The following CCHCR1 variants were observed in gnomAD, a reference collection of about 807,000 sequenced individuals.
CCHCR1 encodes the protein HCR (a-helix coiled-coil rod homologue).
Under a neutral mutation model 114.6 loss-of-function variants are expected in CCHCR1, and 91 were observed. The ratio of observed to expected loss-of-function variants is 0.79; its 90% CI spans 0.67 to 0.94. CCHCR1 has a LOEUF of 0.94. CCHCR1 is among the 40% of genes least tolerant of loss of function. The pLI, the probability that CCHCR1 is intolerant of heterozygous loss-of-function variation, is 0.00. For synonymous variants in CCHCR1, 379 were observed against 428.5 expected (o/e 0.88, Z 1.43); for missense variants, 899 against 1,079.9 (o/e 0.83, Z 2.35).
At chr6:31,157,115 C>A (rs975748448) in intron 1 of CCHCR1, 26 bp from the exon 2 acceptor site, 1 of 1,581,456 alleles carries the variant, frequency 6.3e-7, no homozygotes, top group Non-Finnish European at 8.7e-7. Context: ...AACAAAGACA[C>A]TCCAATTCAA....
chr6:31,148,521 A>G lies in CCHCR1; in HGVS notation c.1474-10T>C. The G allele has an allele frequency of 6.2e-7, 1 of 1,607,386 alleles. No individual in the cohort carries two copies. Among genetic ancestry groups the G allele is most frequent in the South Asian group, 1.1e-5 (1 of 90,868 alleles). ...GCTCCAACTGCAGGCCCTGGGGAGG[A>G]TGCAGCAAAGGACAGGGTCCCTCCC... On this transcript the variant is annotated splice_polypyrimidine_tract_variant and intron_variant, in intron 9 of 17. Coordinates refer to ENST00000396268, the MANE Select transcript of CCHCR1 (RefSeq NM_001105564.2).
rs763045658 is a variant in CCHCR1 at position 31,154,477 on chromosome 6, T to C, written c.801+19A>G. ...AGCTCTCCGTTATGAATTTGAATCC[T>C]TTCTACCCCTGCATTCACCTGCTCT... is the stretch of plus-strand genomic sequence containing the variant. On this transcript the variant is annotated intron_variant, in intron 4 of 17. Transcript: ENST00000396268. This position sits in a 1 kb window ranked among gnomAD's most constrained non-coding sequence, Gnocchi z 4.1. 2 of 1,593,716 alleles carry C rather than the reference T, an allele frequency of 1.3e-6. No individual in the cohort carries two copies. Among genetic ancestry groups the C allele is most frequent in the East Asian group, 2.2e-5 (1 of 44,514 alleles).
At position 31,154,951 on chromosome 6, in the gene CCHCR1, G is replaced by C. The variant is rs1775776559; in HGVS notation, c.498-152C>G. 2 of 660,166 alleles carry C rather than the reference G, an allele frequency of 3.0e-6. No individual in the cohort carries two copies. Among genetic ancestry groups the C allele is most frequent in the African/African-American group, 3.6e-5 (2 of 55,064 alleles). The allele number at this position is 660,166 out of a possible 1,614,324, so 40.9% of individuals were successfully genotyped here. A position where few individuals can be genotyped will look rare whatever the true frequency, so the allele number is the denominator to read the frequency against. ...CTGAAGCTGGGGTATGGGGATGTCT[G>C]CATTGACATCATCATCATTCATCAA... On this transcript the variant is annotated intron_variant, in intron 3 of 17. Transcript: ENST00000396268. This position sits in a 1 kb window ranked among gnomAD's most constrained non-coding sequence, Gnocchi z 4.1.
rs1776288478 is a variant in CCHCR1, at chr6:31,157,727, C to A, written c.-127G>T. 1.4e-6 allele frequency: 1 copy of A among 731,822 alleles called. No individual in the cohort carries two copies. The highest frequency in any genetic ancestry group is 2.7e-5 in the East Asian group (1 of 37,056). The allele number at this position is 731,822 out of a possible 1,614,324, so 45.3% of individuals were successfully genotyped here. On this transcript the variant is annotated 5_prime_UTR_variant, in exon 1 of 18. Transcript: ENST00000396268. ...TGTTCTCTCAGCTTCTCTCTACTAT[C>A]CCCTTAGCTTCCATGCCTGCTGCCC...
Position 31,144,210 on chromosome 6 carries a change from T to C in CCHCR1, c.2167+477A>G, listed in dbSNP as rs1200254736. Among the ~76,000 whole-genome samples, 1 of 152,214 alleles carries C rather than the reference T, an allele frequency of 6.6e-6. No homozygotes were observed. Among genetic ancestry groups the C allele is most frequent in the Non-Finnish European group, 1.5e-5 (1 of 68,034 alleles). ...ATACATTCATTACACAATTCTTTTTTTGACACATGGTCTTTCTCTATCACC... is the reference window on the plus strand; with the variant it reads ...ATACATTCATTACACAATTCTTTTTCTGACACATGGTCTTTCTCTATCACC... On this transcript the variant is annotated intron_variant, in intron 15 of 17. Transcript: ENST00000396268. The surrounding 1 kb of genome is among the most constrained non-coding windows in gnomAD (Gnocchi z 4.6).
At position 31,151,045 on chromosome 6, in the gene CCHCR1, CA is replaced by C. The variant is rs1183119301; in HGVS notation, c.878del (p.Leu293ArgfsTer29). The C allele has an allele frequency of 1.9e-6, 3 of 1,613,126 alleles. No homozygotes were observed. The highest frequency in any genetic ancestry group is 1.7e-5 in the Admixed American group (1 of 60,026). On this transcript the variant is annotated frameshift_variant, in exon 5 of 18. Transcript: ENST00000396268. LOFTEE classifies it high-confidence loss of function. This position sits in a 1 kb window ranked among gnomAD's most constrained non-coding sequence, Gnocchi z 4.1. ...CTGCTCTTCTGGTTTCCAGACTACTCAGAGACTTCTCCAAGCCCTCAGCCTT... is the reference window on the plus strand; with the variant it reads ...CTGCTCTTCTGGTTTCCAGACTACTCGAGACTTCTCCAAGCCCTCAGCCTT... Reference protein sequence around the residue: ...TSKAEGLEKSLSSLETRRAGE... With the variant: ...TSKAEGLEKSXSSLETRRAGE...
In CCHCR1 at chr6:31,150,827, G is replaced by A. The variant is rs1171248691; in HGVS notation, c.999C>T (p.Thr333=). Residue 333 remains threonine (T), a synonymous_variant, in exon 6 of 18, where the codon ACC becomes ACT. Transcript: ENST00000396268. This position sits in a 1 kb window ranked among gnomAD's most constrained non-coding sequence, Gnocchi z 5.3. ...CATATTTTCTTAGATTCTCAACCAG[G>A]GTCACCTGAGCCTCCAAGTCTTCCT... The part of the protein sequence containing the change: ...KTQEDLEAQV[T]LVENLRKYVG... 1.2e-6 allele frequency: 2 copies of A among 1,612,902 alleles called. No individual in the cohort carries two copies. Among genetic ancestry groups the A allele is most frequent in the Non-Finnish European group, 1.7e-6 (2 of 1,180,006 alleles).
At chr6:31,145,615 T>C in intron 11 of CCHCR1, 81 bp downstream of exon 11, 1 of 1,426,614 alleles carries the variant, frequency 7.0e-7, no homozygotes. Flanking sequence ...GGATGTGGGA[T>C]CAGAGAGAGC....
In CCHCR1 at chr6:31,157,783, T is replaced by A. The variant is rs1320897749; in HGVS notation, c.-183A>T. On this transcript the variant is annotated 5_prime_UTR_variant, in exon 1 of 18. Coordinates refer to ENST00000396268, the MANE Select transcript of CCHCR1 (RefSeq NM_001105564.2). ...CTCTTTCTCGAGTCCTAACACATAG[T>A]GGGCACTTTAAGATCTTCCTCCCAC... 5.0e-6 allele frequency: 3 copies of A among 602,666 alleles called. No homozygotes were observed. Among genetic ancestry groups the A allele is most frequent in the Admixed American group, 5.9e-5 (2 of 33,946 alleles). 37.3% of individuals were successfully genotyped at this position (602,666 alleles called of 1,614,324 possible).
At position 31,150,005 on chromosome 6, in the gene CCHCR1, A is replaced by T; in HGVS notation, c.1362+61T>A. ...AATAAACACTGGTTGAATGGATGCC[A>T]CCTTCATGGAAGGAGCAAGGTGCTG... On this transcript the variant is annotated intron_variant, in intron 8 of 17. Coordinates refer to ENST00000396268, the MANE Select transcript of CCHCR1 (RefSeq NM_001105564.2). The surrounding 1 kb of genome is among the most constrained non-coding windows in gnomAD (Gnocchi z 5.3). 2 of 1,575,874 alleles carry T rather than the reference A, an allele frequency of 1.3e-6. No homozygotes were observed. The highest frequency in any genetic ancestry group is 1.7e-6 in the Non-Finnish European group (2 of 1,148,182).
chr6:31,145,793 G>A lies in CCHCR1; in HGVS notation c.1596C>T (p.Leu532=), dbSNP rs780958140. 3.1e-5 allele frequency: 50 copies of A among 1,611,822 alleles called. No individual in the cohort carries two copies. The highest frequency in any genetic ancestry group is 4.2e-5 in the Non-Finnish European group (49 of 1,179,076). Residue 532 remains leucine (L), a synonymous_variant, in exon 11 of 18, where the codon CTC becomes CTT. Transcript: ENST00000396268. The part of the protein sequence containing the change: ...VNAVSSSQIW[L]ETTMAKVEGA... ...CTTCCACCTTAGCCATGGTGGTCTC[G>A]AGCCAGATCTGAGAGCTGGAGAGGG...
At position 31,150,415 on chromosome 6, in the gene CCHCR1, G is replaced by A. The variant is rs1775040177; in HGVS notation, c.1212+40C>T. 13 of 1,541,352 alleles carry A rather than the reference G, an allele frequency of 8.4e-6. No individual in the cohort carries two copies. Among genetic ancestry groups the A allele is most frequent in the Non-Finnish European group, 1.2e-5 (13 of 1,118,930 alleles). On this transcript the variant is annotated intron_variant, in intron 7 of 17. Transcript: ENST00000396268. This position sits in a 1 kb window ranked among gnomAD's most constrained non-coding sequence, Gnocchi z 5.3. Reference sequence around the variant, plus strand: ...GGGAGGCAGGGGACAGTAGATGCAGGATGCGGCTGAGGGTGAGGGGTCTGG... The same window carrying A: ...GGGAGGCAGGGGACAGTAGATGCAGAATGCGGCTGAGGGTGAGGGGTCTGG...
In CCHCR1 at chr6:31,142,792, G is replaced by A. The variant is rs1561787450; in HGVS notation, c.2492-76C>T. On this transcript the variant is annotated intron_variant, in intron 17 of 17. Coordinates refer to ENST00000396268, the MANE Select transcript of CCHCR1 (RefSeq NM_001105564.2). ...TTACAGAGGAAACAGGGCTGGCACA[G>A]GAAATGAGGAATGGGAGAGAGGAGG... 6 of 1,562,064 alleles carry A rather than the reference G, an allele frequency of 3.8e-6. No individual in the cohort carries two copies. The African/African-American group carries it at 8.1e-5, about 21-fold the overall frequency.
chr6:31,153,160 T>G (rs1444026802), intron 4 of CCHCR1, among the ~76,000 whole-genome samples: 5 of 151,904 alleles, frequency 3.3e-5, no homozygotes. Flanking sequence ...TTGTATTTTT[T>G]TGTAGAGTTC....
rs780312235 is a variant in CCHCR1, at chr6:31,143,328, C to T, written c.2253G>A (p.Arg751=). 6.2e-7 allele frequency: 1 copy of T among 1,612,968 alleles called. No individual in the cohort carries two copies. The highest frequency in any genetic ancestry group is 8.5e-7 in the Non-Finnish European group (1 of 1,180,036). ...QELRRLQEEA[R]KEEGQRLARR... is the part of the protein sequence containing the mutation. Reference sequence around the variant, plus strand: ...GGGCCAGTCGCTGCCCCTCCTCCTTCCGGGCCTCCTCCTGCAGACGCCTGA... The same window carrying T: ...GGGCCAGTCGCTGCCCCTCCTCCTTTCGGGCCTCCTCCTGCAGACGCCTGA... The change falls in exon 16 of 18, where the codon CGG becomes CGA. Residue 751 remains arginine (R), a synonymous_variant. Transcript: ENST00000396268. This position sits in a 1 kb window ranked among gnomAD's most constrained non-coding sequence, Gnocchi z 5.3.
chr6:31,144,721 C>G lies in CCHCR1; in HGVS notation c.2133G>C (p.Arg711Ser), dbSNP rs774151452. The change falls in exon 15 of 18, where the codon AGG becomes AGC. Residue 711 changes from arginine (R) to serine (S), a missense_variant. Coordinates refer to ENST00000396268, the MANE Select transcript of CCHCR1 (RefSeq NM_001105564.2). This position sits in a 1 kb window ranked among gnomAD's most constrained non-coding sequence, Gnocchi z 4.6. ...CATGCTCCCTCCGAGCCTCGTTCAG[C>G]CTCCTCTCTGTGTCTGAGAGTTGCT... ...LREQLSDTER[R>S]LNEARREHAK... is the part of the protein sequence containing the mutation. 2 of 1,613,268 alleles carry G rather than the reference C, an allele frequency of 1.2e-6. No homozygotes were observed. The highest frequency in any genetic ancestry group is 1.7e-6 in the Non-Finnish European group (2 of 1,179,444).
chr6:31,150,271 G>C lies in CCHCR1; in HGVS notation c.1213-56C>G. On this transcript the variant is annotated intron_variant, in intron 7 of 17. Transcript: ENST00000396268. The surrounding 1 kb of genome is among the most constrained non-coding windows in gnomAD (Gnocchi z 5.3). ...GGCTCCTGGGGGAGGAGAGGAAGGA[G>C]GTGGCATCTTTGTTTCTCCTCTGTC... 5 of 1,581,072 alleles carry C rather than the reference G, an allele frequency of 3.2e-6. No individual in the cohort carries two copies. The highest frequency in any genetic ancestry group is 4.3e-6 in the Non-Finnish European group (5 of 1,153,806).
chr6:31,153,735 A>G (rs1775595180), intron 4 of CCHCR1, among the ~76,000 whole-genome samples: 1 of 152,158 alleles, frequency 6.6e-6, no homozygotes, highest in Admixed American at 6.5e-5. Flanking sequence ...GCGCACCACC[A>G]CGCCTGGTGA....
rs1172822614 is a variant in CCHCR1 at position 31,143,831 on chromosome 6, C to T, written c.2168-418G>A. Among the ~76,000 whole-genome samples the T allele has an allele frequency of 1.3e-5, 2 of 152,146 alleles. No homozygotes were observed. Among genetic ancestry groups the T allele is most frequent in the African/African-American group, 4.8e-5 (2 of 41,446 alleles). On this transcript the variant is annotated intron_variant, in intron 15 of 17. Coordinates refer to ENST00000396268, the MANE Select transcript of CCHCR1 (RefSeq NM_001105564.2). The surrounding 1 kb of genome is among the most constrained non-coding windows in gnomAD (Gnocchi z 5.3). ...ATCCCAGCACTTTGGGATGCCAAGG[C>T]GGGCGGATCACGAGGTTAGGAGCTC...
Sources: gnomAD v4.1 joint callset for allele counts (sites outside exome capture counted in the v4.1 genomes callset) on GRCh38, gnomAD v4.1.1 for gene constraint, Gnocchi (gnomAD v3.1) non-coding constraint, MANE v1.5 for transcripts, NCBI Gene and HGNC (gene_info 2026-07-23, HGNC 2026-07-21) for gene names.